Variants in KCNQ1 observed in about 807,000 individuals in gnomAD.
The protein encoded by KCNQ1 is potassium voltage-gated channel subfamily Q member 1, also known as potassium voltage-gated channel subfamily KQT member 1.
A neutral mutation model predicts 72.4 loss-of-function variants in KCNQ1; 49 were observed. The ratio of observed to expected loss-of-function variants is 0.68; its 90% confidence interval spans 0.54 to 0.86. KCNQ1 has a LOEUF of 0.86. KCNQ1 is among the 40% of genes least tolerant of loss of function. The pLI is 0.00. For missense variants in KCNQ1, 790 were observed against 945.1 expected (o/e 0.84, Z 2.15); for synonymous variants, 450 against 412.6 (o/e 1.09, Z -1.10).
At chr11:2,699,652 C>CGAAGAACCCCCGGGGACAACCGCGCG (rs1850751876) in intron 11 of KCNQ1, 2 of 357,294 alleles carry the variant, frequency 5.6e-6, no homozygotes, top group African/African-American at 2.1e-5. Context: ...ACAACCGCGC[C>CGAAGAACCCCCGGGGACAACCGCGCG]GAAGAACCCC....
chr11:2,630,294 C>A (rs1487487181), intron 10 of KCNQ1: 1 of 397,766 alleles, frequency 2.5e-6, no homozygotes, highest in Non-Finnish European at 4.4e-6. Context: ...TTTTAATGTG[C>A]TGTTAAATTC....
At chr11:2,699,668 A>ACAACCGCGCC in intron 11 of KCNQ1, 1 of 351,580 alleles carries the variant, frequency 2.8e-6, no homozygotes. Context: ...ACCCCCGGGG[A>ACAACCGCGCC]GAACCGCGCC....
Position 2,445,281 on chromosome 11 carries a change from C to T in KCNQ1, c.183C>T (p.Pro61=). The part of the protein sequence containing the change: ...YAPIAPGAPG[P]APPASPAAPA... The stretch of plus-strand genomic sequence containing the variant: ...CCATCGCGCCCGGCGCCCCAGGTCC[C>T]GCGCCCCCTGCGTCCCCGGCCGCGC... The change falls in exon 1 of 16, where the codon CCC becomes CCT. Residue 61 remains proline (P), a synonymous_variant. Transcript: ENST00000155840. 7.6e-7 allele frequency: 1 copy of T among 1,309,342 alleles called. No individual in the cohort carries two copies. Among genetic ancestry groups the T allele is most frequent in the Non-Finnish European group, 9.7e-7 (1 of 1,035,184 alleles). The allele number at this position is 1,309,342 out of a possible 1,614,324, so 81.1% of individuals were successfully genotyped here. A position where few individuals can be genotyped will look rare whatever the true frequency, so the allele number is the denominator to read the frequency against.
intron 11 of KCNQ1, among the ~76,000 whole-genome samples, chr11:2,700,900 G>A (rs1850799609): frequency 6.6e-6 from 1 of 152,218 alleles, no homozygotes; most frequent in Admixed American, 6.5e-5. Flanking sequence ...GGGGACAAAA[G>A]CCTGGGTCAC....
intron 10 of KCNQ1, chr11:2,649,044 G>A (rs1392241109): frequency 6.0e-6 from 2 of 332,614 alleles, no homozygotes; most frequent in Admixed American, 7.1e-5. Flanking sequence ...GCATGCTTTT[G>A]GTGTCTGTTT....
intron 2 of KCNQ1, 21 bp from the exon 3 acceptor site, chr11:2,570,607 C>T (rs781080607): frequency 4.7e-5 from 76 of 1,610,888 alleles, no homozygotes; most frequent in Non-Finnish European, 6.2e-5. Context: ...CTGCAGTGAG[C>T]GTCCCACTCT....
rs769788538 is a variant in KCNQ1 at position 2,528,006 on chromosome 11, T to A, written c.465T>A (p.Thr155=). 6.2e-7 allele frequency: 1 copy of A among 1,613,278 alleles called. No individual in the cohort carries two copies. Among genetic ancestry groups the A allele is most frequent in the African/African-American group, 1.3e-5 (1 of 75,022 alleles). Residue 155 remains threonine (T), a synonymous_variant, in exon 2 of 16, where the codon ACT becomes ACA. Transcript: ENST00000155840. ...AGTATGCCGCCCTGGCCACGGGGACTCTCTTCTGGATGGTACGTAGCATCT... is the reference window on the plus strand; with the variant it reads ...AGTATGCCGCCCTGGCCACGGGGACACTCTTCTGGATGGTACGTAGCATCT... ...IEQYAALATG[T]LFWMEIVLVV...
At chr11:2,511,359 A>G (rs1847200554) in intron 1 of KCNQ1, among the ~76,000 whole-genome samples, 1 of 152,066 alleles carries the variant, frequency 6.6e-6, no homozygotes, top group East Asian at 1.9e-4. Flanking sequence ...CTGTTTCTGA[A>G]TGCCCTCTCA....
chr11:2,662,013 C>A lies in KCNQ1; in HGVS notation c.1446C>A (p.Thr482=), dbSNP rs1060503982. 4 of 1,614,228 alleles carry A rather than the reference C, an allele frequency of 2.5e-6. No homozygotes were observed. Among genetic ancestry groups the A allele is most frequent in the Non-Finnish European group, 3.4e-6 (4 of 1,180,040 alleles). ...TGAGCATGCCCCATTTCATGAGAACCAACAGCTTCGCCGAGGACCTGGACC... is the reference window on the plus strand; with the variant it reads ...TGAGCATGCCCCATTTCATGAGAACAAACAGCTTCGCCGAGGACCTGGACC... ...LEVSMPHFMR[T]NSFAEDLDLE... Residue 482 remains threonine, a synonymous_variant, in exon 11 of 16, where the codon ACC becomes ACA. Coordinates refer to ENST00000155840, the MANE Select transcript of KCNQ1 (RefSeq NM_000218.3).
intron 10 of KCNQ1, chr11:2,628,012 C>T (rs1314267470): frequency 7.5e-6 from 3 of 398,458 alleles, no homozygotes; most frequent in African/African-American, 6.2e-5. Context: ...TGGCCACCCC[C>T]AAGTACTGGG....
rs552517870 is a variant in KCNQ1, at chr11:2,649,408, A to G, written c.1394-12553A>G. The G allele has an allele frequency of 9.5e-4, 378 of 398,428 alleles. No homozygotes were observed. Among genetic ancestry groups the G allele is most frequent in the Non-Finnish European group, 1.5e-3 (328 of 226,028 alleles). 24.7% of individuals were successfully genotyped at this position (398,428 alleles called of 1,614,324 possible). A position where few individuals can be genotyped will look rare whatever the true frequency, so the allele number is the denominator to read the frequency against. Reference sequence around the variant, plus strand: ...TATGCTTTTGTAGTTTCATGATGGTAGATATCATCCTCCTACTTCCAGATG... The same window carrying G: ...TATGCTTTTGTAGTTTCATGATGGTGGATATCATCCTCCTACTTCCAGATG... On this transcript the variant is annotated intron_variant, in intron 10 of 15. Transcript: ENST00000155840.
rs4930127 is a variant in KCNQ1 at position 2,572,747 on chromosome 11, A to G, written c.781-99A>G. 449,384 of 1,504,106 alleles carry G rather than the reference A, an allele frequency of 0.3. 73,663 individuals are homozygous for G. Among genetic ancestry groups the G allele is most frequent in the East Asian group, 0.56 (24,015 of 43,138 alleles). 93.2% of individuals were successfully genotyped at this position (1,504,106 alleles called of 1,614,324 possible). ...GTGAACCGCGCTGGAGCGGCGTAGG[A>G]CGCCCAGTGATCGCTGGGACTCGCT... On this transcript the variant is annotated intron_variant, in intron 5 of 15. Coordinates refer to ENST00000155840, the MANE Select transcript of KCNQ1 (RefSeq NM_000218.3).
At chr11:2,449,058 C>T (rs996420574) in intron 1 of KCNQ1, among the ~76,000 whole-genome samples, 2 of 152,204 alleles carry the variant, frequency 1.3e-5, no homozygotes, top group Non-Finnish European at 2.9e-5. Context: ...CTGGGCAGTG[C>T]CTGGTGGGCA....
At chr11:2,534,727 A>G (rs553584492) in intron 2 of KCNQ1, among the ~76,000 whole-genome samples, 3 of 152,298 alleles carry the variant, frequency 2.0e-5, no homozygotes, top group African/African-American at 7.2e-5. Context: ...CTACCCAGCT[A>G]AGACCGGTCC....
At chr11:2,777,541 G>C (rs1846729816) in intron 14 of KCNQ1, 2 of 543,666 alleles carry the variant, frequency 3.7e-6, no homozygotes, top group Admixed American at 7.1e-5. Context: ...CAGGGAAAAG[G>C]CACATTCCCT....
chr11:2,515,828 G>T lies in KCNQ1; in HGVS notation c.387-12100G>T, dbSNP rs960615602. ...TTCCCAGCAGCCCTCGGCCCTGGGG[G>T]GCTTGTGCTCTGCCGGGCCACCTGC... On this transcript the variant is annotated intron_variant, in intron 1 of 15. Coordinates refer to ENST00000155840, the MANE Select transcript of KCNQ1 (RefSeq NM_000218.3). This position sits in a 1 kb window ranked among gnomAD's most constrained non-coding sequence, Gnocchi z 4.7. Among the ~76,000 whole-genome samples the T allele has an allele frequency of 1.3e-5, 2 of 152,070 alleles. No homozygotes were observed. The highest frequency in any genetic ancestry group is 3.2e-3 in the Middle Eastern group (1 of 316).
chr11:2,568,761 C>T (rs147917629), intron 2 of KCNQ1, among the ~76,000 whole-genome samples: 479 of 152,314 alleles, frequency 3.1e-3, no homozygotes, highest in African/African-American at 0.011. Context: ...GGAGCTCAGC[C>T]GGACCTCAGC....
chr11:2,572,246 C>A, intron 5 of KCNQ1, 137 bp downstream of exon 5: 2 of 653,490 alleles, frequency 3.1e-6, no homozygotes, highest in East Asian at 5.5e-5. Context: ...GGTACCTGAA[C>A]GGGGCCCAGG....
rs1017583304 is a variant in KCNQ1 at position 2,626,490 on chromosome 11, A to G, written c.1394-35471A>G. On this transcript the variant is annotated intron_variant, in intron 10 of 15. Coordinates refer to ENST00000155840, the MANE Select transcript of KCNQ1 (RefSeq NM_000218.3). The surrounding 1 kb of genome is among the most constrained non-coding windows in gnomAD (Gnocchi z 4.0). The stretch of plus-strand genomic sequence containing the variant: ...CATTGGTCTCTACATCTTTATGTCA[A>G]TACCACATAGTTTTGATTACTGTAG... 1.1e-4 allele frequency: 44 copies of G among 398,460 alleles called. No individual in the cohort carries two copies. The highest frequency in any genetic ancestry group is 6.2e-4 in the Admixed American group (14 of 22,704). 24.7% of individuals were successfully genotyped at this position (398,460 alleles called of 1,614,324 possible). A position where few individuals can be genotyped will look rare whatever the true frequency, so the allele number is the denominator to read the frequency against.
Sources: allele counts gnomAD v4.1 joint callset (sites outside exome capture counted in the v4.1 genomes callset), GRCh38; gene constraint gnomAD v4.1.1; non-coding constraint Gnocchi (gnomAD v3.1); transcripts MANE v1.5; gene names NCBI Gene and HGNC (gene_info 2026-07-23, HGNC 2026-07-21).